GAS7: variants seen among roughly 807,000 people sequenced by gnomAD.
GAS7 encodes the protein growth arrest-specific protein 7.
Under a neutral mutation model 71.1 loss-of-function variants are expected in GAS7, and 28 were observed. That is an observed-to-expected ratio of 0.39 (90% CI 0.29 to 0.54). The LOEUF is 0.54. GAS7 is among the 20% of genes least tolerant of loss of function. The probability of loss-of-function intolerance (pLI) is 0.62; values close to 1 mark genes in which losing one functional copy is unlikely to be tolerated. For missense variants in GAS7, 436 were observed against 627.8 expected (o/e 0.69, Z 3.27); for synonymous variants, 258 against 245.8 (o/e 1.05, Z -0.46).
intron 1 of GAS7, among the ~76,000 whole-genome samples, chr17:10,088,555 C>T (rs2073546977): frequency 6.6e-6 from 1 of 152,154 alleles, no homozygotes; most frequent in African/African-American, 2.4e-5. Flanking sequence ...CCACGCAGCA[C>T]TAATTGCCAA....
intron 5 of GAS7, among the ~76,000 whole-genome samples, chr17:9,953,159 C>G (rs576386979): frequency 6.6e-6 from 1 of 151,818 alleles, no homozygotes; most frequent in South Asian, 2.1e-4. Context: ...AAATACTATG[C>G]AGCTGTAACA....
At chr17:10,022,191 T>C (rs2072296554) in intron 1 of GAS7, among the ~76,000 whole-genome samples, 1 of 152,126 alleles carries the variant, frequency 6.6e-6, no homozygotes, top group African/African-American at 2.4e-5. Context: ...TAGGAGGTTG[T>C]TGCAGTGAGC....
chr17:10,119,498 G>A (rs1032306352), intron 1 of GAS7, among the ~76,000 whole-genome samples: 3 of 152,298 alleles, frequency 2.0e-5, no homozygotes, highest in Non-Finnish European at 4.4e-5. Context: ...CAATCATGAC[G>A]AAACATGCTA....
At position 10,171,711 on chromosome 17, in the gene GAS7, T is replaced by C. The variant is rs560095440; in HGVS notation, c.183+26497A>G. On this transcript the variant is annotated intron_variant, in intron 1 of 13. Coordinates refer to ENST00000432992, the MANE Select transcript of GAS7 (RefSeq NM_201433.2). Reference sequence around the variant, plus strand: ...GGACGGGTGAAGCAGTGAAGAACGCTGGTCCTAAGCAGTGTTGAAACCTCT... The same window carrying C: ...GGACGGGTGAAGCAGTGAAGAACGCCGGTCCTAAGCAGTGTTGAAACCTCT... 3.9e-5 allele frequency among the ~76,000 whole-genome samples: 6 copies of C among 152,338 alleles called. No homozygotes were observed. The South Asian group carries it at 1.2e-3, about 32-fold the overall frequency.
intron 1 of GAS7, among the ~76,000 whole-genome samples, chr17:10,046,390 C>T (rs1441326360): frequency 1.4e-5 from 2 of 144,658 alleles, no homozygotes; most frequent in African/African-American, 5.5e-5. Context: ...CAAACAGAAT[C>T]GGAGGAAAAA....
chr17:10,167,146 C>A (rs535529980), intron 1 of GAS7, among the ~76,000 whole-genome samples: 2 of 146,338 alleles, frequency 1.4e-5, no homozygotes, highest in South Asian at 4.4e-4. Context: ...CAACCTCCAC[C>A]GCCTGGGTTC....
intron 13 of GAS7, 68 bp downstream of exon 13, chr17:9,917,933 G>T: frequency 8.8e-7 from 1 of 1,135,336 alleles, no homozygotes; most frequent in Non-Finnish European, 1.3e-6. Context: ...AACCTGCCAC[G>T]GCCTAGCGCC....
At chr17:10,059,292 C>G (rs1243167390) in intron 1 of GAS7, among the ~76,000 whole-genome samples, 1 of 152,196 alleles carries the variant, frequency 6.6e-6, no homozygotes, top group Non-Finnish European at 1.5e-5. Context: ...GTGGCCTCTA[C>G]AAATTCTCGC....
At chr17:10,063,784 T>A (rs1203103085) in intron 1 of GAS7, among the ~76,000 whole-genome samples, 1 of 152,112 alleles carries the variant, frequency 6.6e-6, no homozygotes, top group South Asian at 2.1e-4. Flanking sequence ...CTAGTATGGC[T>A]CCACCCTGGG....
At chr17:10,179,874 T>C (rs1020640534) in intron 1 of GAS7, among the ~76,000 whole-genome samples, 3 of 151,936 alleles carry the variant, frequency 2.0e-5, no homozygotes, top group Non-Finnish European at 2.9e-5. Flanking sequence ...AGAAGGCAAA[T>C]AGTAATGACC....
intron 2 of GAS7, among the ~76,000 whole-genome samples, chr17:10,008,547 G>C (rs1429030208): frequency 6.6e-6 from 1 of 152,164 alleles, no homozygotes; most frequent in Non-Finnish European, 1.5e-5. Flanking sequence ...GCCACAAATG[G>C]GAGATTATTG....
At chr17:10,164,117 C>T (rs879937957) in intron 1 of GAS7, among the ~76,000 whole-genome samples, 1 of 152,078 alleles carries the variant, frequency 6.6e-6, no homozygotes, top group East Asian at 1.9e-4. Context: ...CTCCCTGCCC[C>T]GTTAATTTTG....
intron 2 of GAS7, among the ~76,000 whole-genome samples, chr17:10,011,840 G>T (rs1196880461): frequency 6.6e-6 from 1 of 152,162 alleles, no homozygotes; most frequent in Non-Finnish European, 1.5e-5. Context: ...GCCAGGCGTG[G>T]TGGCACATGC....
At chr17:9,956,122 C>T (rs1418681437) in intron 5 of GAS7, among the ~76,000 whole-genome samples, 2 of 152,238 alleles carry the variant, frequency 1.3e-5, no homozygotes, top group Non-Finnish European at 2.9e-5. Context: ...TCCCCTAAGT[C>T]CTGGCCCAGC....
At chr17:9,932,993 A>G (rs371234688) in intron 9 of GAS7, among the ~76,000 whole-genome samples, 4 of 152,128 alleles carry the variant, frequency 2.6e-5, no homozygotes, top group African/African-American at 9.7e-5. Context: ...CAACACGGTG[A>G]AACCCCATCT....
intron 1 of GAS7, among the ~76,000 whole-genome samples, chr17:10,122,373 G>C (rs1435376135): frequency 1.3e-5 from 2 of 152,176 alleles, no homozygotes; most frequent in Non-Finnish European, 2.9e-5. Flanking sequence ...TCGAGACCCA[G>C]ACAGCCTCCG....
intron 2 of GAS7, among the ~76,000 whole-genome samples, chr17:9,983,327 C>CCAAAAATA (rs1414560386): frequency 4.6e-5 from 7 of 152,014 alleles, no homozygotes; most frequent in African/African-American, 1.7e-4. Flanking sequence ...CCCATCTCCA[C>CCAAAAATA]CAAAAATACA....
chr17:10,123,195 C>A (rs1418514426), intron 1 of GAS7, among the ~76,000 whole-genome samples: 2 of 152,196 alleles, frequency 1.3e-5, no homozygotes, highest in Admixed American at 6.5e-5. Flanking sequence ...AGTCACCTGT[C>A]AGACTCTGGA....
chr17:10,043,368 G>C (rs140812229), intron 1 of GAS7, among the ~76,000 whole-genome samples: 2 of 152,182 alleles, frequency 1.3e-5, no homozygotes, highest in East Asian at 1.9e-4. Context: ...AAATGAAGAG[G>C]GGGGATACAA....
Sources: gnomAD v4.1 joint callset for allele counts (sites outside exome capture counted in the v4.1 genomes callset) on GRCh38, gnomAD v4.1.1 for gene constraint, MANE v1.5 for transcripts, NCBI Gene and HGNC (gene_info 2026-07-23, HGNC 2026-07-21) for gene names.